Variants in FCF1 observed in about 807,000 individuals in gnomAD.
FCF1 encodes rRNA-processing protein FCF1 homolog.
A neutral mutation model predicts 32.5 loss-of-function variants in FCF1; 17 were observed. The observed-to-expected ratio is 0.52, with a 90% CI of 0.36 to 0.78. FCF1 has a LOEUF of 0.78. FCF1 is among the 30% of genes least tolerant of loss of function. FCF1 has a pLI of 0.00. For missense variants in FCF1, 201 were observed against 241.1 expected (o/e 0.83, Z 1.10); for synonymous variants, 84 against 78.4 (o/e 1.07, Z -0.38).
At chr14:74,728,717 A>G (rs575776207) in intron 5 of FCF1, among the ~76,000 whole-genome samples, 17 of 152,302 alleles carry the variant, frequency 1.1e-4, no homozygotes, top group African/African-American at 4.1e-4. Context: ...TTGCCCATTC[A>G]GTATGATATT....
intron 7 of FCF1, 98 bp from the exon 8 acceptor site, chr14:74,734,784 A>C (rs2090684714): frequency 1.1e-6 from 1 of 904,334 alleles, no homozygotes. Flanking sequence ...AAAAGGATTC[A>C]CAGTGGGGGT....
At chr14:74,730,278 T>A (rs1201362328) in intron 5 of FCF1, among the ~76,000 whole-genome samples, 1 of 148,692 alleles carries the variant, frequency 6.7e-6, no homozygotes, top group Non-Finnish European at 1.5e-5. Context: ...AGTGATGCTA[T>A]CACAGCTCAC....
chr14:74,731,751 C>T lies in FCF1; in HGVS notation c.366-980C>T, dbSNP rs986975214. On this transcript the variant is annotated intron_variant, in intron 5 of 7. Coordinates refer to ENST00000341162, the MANE Select transcript of FCF1 (RefSeq NM_015962.5). ...CCCATGTCATTTTTTTCTAAATATTCCCAACCCACATTGACCTAGCGCTGA... is the reference window on the plus strand; with the variant it reads ...CCCATGTCATTTTTTTCTAAATATTTCCAACCCACATTGACCTAGCGCTGA... Among the ~76,000 whole-genome samples, 64 of 152,102 alleles carry T rather than the reference C, an allele frequency of 4.2e-4. 1 individual carries two copies. Among genetic ancestry groups the T allele is most frequent in the African/African-American group, 1.5e-3 (63 of 41,406 alleles).
intron 5 of FCF1, among the ~76,000 whole-genome samples, chr14:74,730,290 G>A (rs1226455552): frequency 6.8e-6 from 1 of 146,140 alleles, no homozygotes; most frequent in African/African-American, 2.5e-5. Flanking sequence ...ACAGCTCACT[G>A]CAGCCTTGAC....
intron 6 of FCF1, among the ~76,000 whole-genome samples, chr14:74,733,591 C>T (rs1157638342): frequency 6.6e-6 from 1 of 152,160 alleles, no homozygotes; most frequent in Non-Finnish European, 1.5e-5. Context: ...GTTTCAGGCC[C>T]TGAATATCCT....
chr14:74,727,617 T>A (rs939683475), intron 5 of FCF1, among the ~76,000 whole-genome samples: 16 of 151,694 alleles, frequency 1.1e-4, no homozygotes, highest in Non-Finnish European at 2.4e-4. Context: ...TTTAATTAGA[T>A]CCCATTTGTC....
At chr14:74,719,380 C>T (rs2090468971) in intron 4 of FCF1, among the ~76,000 whole-genome samples, 1 of 151,568 alleles carries the variant, frequency 6.6e-6, no homozygotes, top group African/African-American at 2.4e-5. Flanking sequence ...TTTGGGAGGC[C>T]GAGGTGGGAG....
chr14:74,723,841 AAAG>A (rs1456115120), intron 5 of FCF1, among the ~76,000 whole-genome samples: 5 of 151,898 alleles, frequency 3.3e-5, no homozygotes, highest in Non-Finnish European at 4.4e-5. Flanking sequence ...AAAAAAAAAA[AAAG>A]AGAAAATACA....
intron 3 of FCF1, 47 bp from the exon 4 acceptor site, chr14:74,715,904 G>A (rs2090411967): frequency 6.2e-7 from 1 of 1,610,652 alleles, no homozygotes; most frequent in African/African-American, 1.3e-5. Flanking sequence ...TTAATACTAG[G>A]GTATCAATGT....
In FCF1 at chr14:74,713,428, A is replaced by T. The variant is rs114602349; in HGVS notation, c.4-57A>T. 2,096 of 1,575,762 alleles carry T rather than the reference A, an allele frequency of 1.3e-3. 29 individuals are homozygous for T. In the African/African-American group the frequency reaches 0.026, roughly 20 times the overall value. ...GGCAATAGACAAGAGAAAAGAAGAG[A>T]CTTTAAAAGATGCCGTGTGTTTCCA... is the stretch of plus-strand genomic sequence containing the variant. On this transcript the variant is annotated intron_variant, in intron 1 of 7. Coordinates refer to ENST00000341162, the MANE Select transcript of FCF1 (RefSeq NM_015962.5).
At chr14:74,725,033 C>T (rs374203905) in intron 5 of FCF1, among the ~76,000 whole-genome samples, 44 of 150,674 alleles carry the variant, frequency 2.9e-4, no homozygotes, top group African/African-American at 9.8e-4. Context: ...GCATACTGTA[C>T]GCTAGATAAA....
At chr14:74,719,085 G>A (rs1322895570) in intron 4 of FCF1, among the ~76,000 whole-genome samples, 4 of 145,614 alleles carry the variant, frequency 2.7e-5, no homozygotes, top group African/African-American at 1.0e-4. Flanking sequence ...AGCCGAGATC[G>A]TGCCACTGCA....
chr14:74,734,341 T>G (rs972686771), intron 7 of FCF1, among the ~76,000 whole-genome samples, 171 bp downstream of exon 7: 1 of 150,304 alleles, frequency 6.7e-6, no homozygotes, highest in African/African-American at 2.5e-5. Context: ...AAGAGAGAGA[T>G]AGGATTTAAG....
intron 5 of FCF1, among the ~76,000 whole-genome samples, chr14:74,725,659 G>A (rs1245304631): frequency 2.0e-5 from 3 of 152,016 alleles, no homozygotes; most frequent in Non-Finnish European, 2.9e-5. Context: ...GGCCAGCCAG[G>A]CGCAGTGGCT....
chr14:74,733,420 C>T (rs1050101487), intron 6 of FCF1, among the ~76,000 whole-genome samples: 3 of 1,820 alleles, frequency 1.6e-3, no homozygotes, highest in East Asian at 6.3e-3. Flanking sequence ...CCCCATGGGG[C>T]GGGTGGGTGG....
chr14:74,729,777 C>T (rs1462077610), intron 5 of FCF1, among the ~76,000 whole-genome samples: 5 of 151,952 alleles, frequency 3.3e-5, no homozygotes, highest in Non-Finnish European at 7.4e-5. Flanking sequence ...GCTTTGAATG[C>T]GTCCCAGAGA....
intron 3 of FCF1, chr14:74,715,522 G>A: frequency 3.4e-6 from 1 of 297,374 alleles, no homozygotes; most frequent in South Asian, 3.0e-5. Flanking sequence ...TACAGGTCCT[G>A]CTGTAGTATA....
At chr14:74,719,000 T>C (rs1242546062) in intron 4 of FCF1, among the ~76,000 whole-genome samples, 1 of 151,532 alleles carries the variant, frequency 6.6e-6, no homozygotes, top group African/African-American at 2.4e-5. Flanking sequence ...CGCAGCACCA[T>C]GTGCCTGTAA....
chr14:74,723,505 T>G (rs1431752816), intron 5 of FCF1, among the ~76,000 whole-genome samples, 161 bp downstream of exon 5: 1 of 152,060 alleles, frequency 6.6e-6, no homozygotes, highest in Non-Finnish European at 1.5e-5. Flanking sequence ...AAAAATCAGT[T>G]CCAGTTAGAG....
Sources: allele counts gnomAD v4.1 joint callset (sites outside exome capture counted in the v4.1 genomes callset), GRCh38; gene constraint gnomAD v4.1.1; transcripts MANE v1.5; gene names NCBI Gene and HGNC (gene_info 2026-07-23, HGNC 2026-07-21).